KCNQ5: variants seen among roughly 807,000 people sequenced by gnomAD.
The protein encoded by KCNQ5 is potassium voltage-gated channel subfamily Q member 5, also known as potassium voltage-gated channel subfamily KQT member 5.
Under a neutral mutation model 98.2 loss-of-function variants are expected in KCNQ5, and 30 were observed. That is an observed-to-expected ratio of 0.31 (90% CI 0.23 to 0.41). The LOEUF is 0.41. Among genes scored for constraint, KCNQ5 ranks in the 10% least tolerant of loss-of-function variants. KCNQ5 has a pLI of 1.00. For missense variants in KCNQ5, 835 were observed against 1,182.5 expected (o/e 0.71, Z 4.31); for synonymous variants, 458 against 449.4 (o/e 1.02, Z -0.24).
intron 1 of KCNQ5, among the ~76,000 whole-genome samples, chr6:72,901,272 T>A (rs1452886695): frequency 6.6e-6 from 1 of 152,058 alleles, no homozygotes; most frequent in Non-Finnish European, 1.5e-5. Flanking sequence ...CATATATAGA[T>A]TGTGAAGATT....
At chr6:72,837,820 A>T (rs1463690857) in intron 1 of KCNQ5, among the ~76,000 whole-genome samples, 1 of 152,178 alleles carries the variant, frequency 6.6e-6, no homozygotes, top group Non-Finnish European at 1.5e-5. Flanking sequence ...CATGTTATAT[A>T]TGTTTAAACA....
At chr6:73,102,624 A>G (rs1774833171) in intron 5 of KCNQ5, among the ~76,000 whole-genome samples, 1 of 152,188 alleles carries the variant, frequency 6.6e-6, no homozygotes, top group African/African-American at 2.4e-5. Context: ...CAAACCACAA[A>G]CAGGCATATG....
At chr6:72,852,715 A>T (rs1262365786) in intron 1 of KCNQ5, among the ~76,000 whole-genome samples, 1 of 57,944 alleles carries the variant, frequency 1.7e-5, no homozygotes, top group African/African-American at 6.0e-5. Context: ...TTACCTCAAT[A>T]AAAAAAAGAT....
chr6:72,893,786 A>G (rs1779146785), intron 1 of KCNQ5, among the ~76,000 whole-genome samples: 1 of 152,154 alleles, frequency 6.6e-6, no homozygotes, highest in Admixed American at 6.5e-5. Context: ...CATCTACTCT[A>G]TGCCAGGCAC....
intron 10 of KCNQ5, among the ~76,000 whole-genome samples, chr6:73,137,103 GA>G (rs71866343): frequency 0.13 from 19,502 of 148,690 alleles, 2,190 homozygotes; most frequent in African/African-American, 0.29. Flanking sequence ...GTATAATAGA[GA>G]AAAAAAAAAT....
chr6:72,954,378 T>G (rs1413220288), intron 1 of KCNQ5, among the ~76,000 whole-genome samples: 1 of 152,132 alleles, frequency 6.6e-6, no homozygotes, highest in Non-Finnish European at 1.5e-5. Flanking sequence ...TAAAAGTAAG[T>G]GCAAAAAATA....
At chr6:72,744,613 C>G (rs976008943) in intron 1 of KCNQ5, among the ~76,000 whole-genome samples, 1 of 152,042 alleles carries the variant, frequency 6.6e-6, no homozygotes, top group Admixed American at 6.6e-5. Flanking sequence ...GAGTTCGAGA[C>G]CAGCCTGGCC....
chr6:72,797,423 T>C (rs1014875881), intron 1 of KCNQ5, among the ~76,000 whole-genome samples: 1 of 149,932 alleles, frequency 6.7e-6, no homozygotes, highest in Admixed American at 6.7e-5. Context: ...GAGAACCACC[T>C]GAGCCCAGGA....
intron 1 of KCNQ5, among the ~76,000 whole-genome samples, chr6:72,998,112 C>T (rs1163923724): frequency 1.3e-5 from 2 of 152,276 alleles, no homozygotes; most frequent in African/African-American, 4.8e-5. Flanking sequence ...AAAGAAATGA[C>T]TCCAGTGCTT....
chr6:72,708,994 T>C (rs1414752103), intron 1 of KCNQ5, among the ~76,000 whole-genome samples: 2 of 152,176 alleles, frequency 1.3e-5, no homozygotes, highest in Non-Finnish European at 2.9e-5. Context: ...TATATATAGT[T>C]TTTATTAAGT....
intron 2 of KCNQ5, among the ~76,000 whole-genome samples, chr6:73,018,557 T>A (rs1015079733): frequency 6.6e-6 from 1 of 152,108 alleles, no homozygotes. Flanking sequence ...TCATCAAATA[T>A]TCACTAAGGA....
intron 1 of KCNQ5, among the ~76,000 whole-genome samples, chr6:72,770,830 C>G (rs1772832820): frequency 6.6e-6 from 1 of 152,010 alleles, no homozygotes; most frequent in African/African-American, 2.4e-5. Context: ...GTAATATTAG[C>G]CCCTAAAAGT....
At position 73,195,480 on chromosome 6, in the gene KCNQ5, G is replaced by A. The variant is rs1309440104; in HGVS notation, c.*66G>A. On this transcript the variant is annotated 3_prime_UTR_variant, in exon 14 of 14. Coordinates refer to ENST00000370398, the MANE Select transcript of KCNQ5 (RefSeq NM_019842.4). ...TACATATCATTGCATGAACTATTTC[G>A]AAAGCCCTTCTAAAAAGTTGAAATT... is the stretch of plus-strand genomic sequence containing the variant. 1.2e-5 allele frequency: 18 copies of A among 1,532,452 alleles called. No homozygotes were observed. The highest frequency in any genetic ancestry group is 9.1e-5 in the East Asian group (4 of 44,088). The allele number at this position is 1,532,452 out of a possible 1,614,324, so 94.9% of individuals were successfully genotyped here.
intron 1 of KCNQ5, among the ~76,000 whole-genome samples, chr6:72,634,941 A>G (rs2098923177): frequency 6.6e-6 from 1 of 152,164 alleles, no homozygotes; most frequent in African/African-American, 2.4e-5. Context: ...TTTTAACTTT[A>G]TATTTCCAAA....
chr6:73,035,669 A>G (rs573053982), intron 2 of KCNQ5, among the ~76,000 whole-genome samples: 83 of 152,314 alleles, frequency 5.4e-4, no homozygotes, highest in Non-Finnish European at 1.1e-3. Context: ...CCAAAGGGTG[A>G]TTTAGAGAGT....
chr6:72,785,891 G>A (rs1006709549), intron 1 of KCNQ5, among the ~76,000 whole-genome samples: 3 of 152,064 alleles, frequency 2.0e-5, no homozygotes, highest in African/African-American at 7.2e-5. Context: ...AAGCCACCAT[G>A]TTCCAAATTC....
chr6:72,848,957 G>A (rs1218626663), intron 1 of KCNQ5, among the ~76,000 whole-genome samples: 1 of 152,150 alleles, frequency 6.6e-6, no homozygotes, highest in Non-Finnish European at 1.5e-5. Context: ...AAATGACCCA[G>A]TCTCAGGTAT....
chr6:73,162,390 G>T (rs1047498880), intron 10 of KCNQ5, among the ~76,000 whole-genome samples: 12 of 152,212 alleles, frequency 7.9e-5, no homozygotes, highest in African/African-American at 2.7e-4. Flanking sequence ...GGCTAGATCT[G>T]CCAGGGAGGA....
chr6:72,889,548 A>C (rs1778979395), intron 1 of KCNQ5, among the ~76,000 whole-genome samples: 1 of 152,134 alleles, frequency 6.6e-6, no homozygotes, highest in Non-Finnish European at 1.5e-5. Context: ...AAACAAACTC[A>C]CCTTGACTCA....
Sources: allele counts gnomAD v4.1 joint callset (sites outside exome capture counted in the v4.1 genomes callset), GRCh38; gene constraint gnomAD v4.1.1; transcripts MANE v1.5; gene names NCBI Gene and HGNC (gene_info 2026-07-23, HGNC 2026-07-21).